RPH3A: variants seen among roughly 807,000 people sequenced by gnomAD.
RPH3A encodes the protein rabphilin 3A.
RPH3A carries 48 observed loss-of-function variants against 102.2 expected under a neutral mutation model. The observed-to-expected ratio is 0.47, with a 90% CI of 0.37 to 0.60. RPH3A has a LOEUF of 0.60. RPH3A is among the 20% of genes least tolerant of loss of function. The pLI is 0.00. For missense variants in RPH3A, 781 were observed against 910.1 expected (o/e 0.86, Z 1.83); for synonymous variants, 310 against 324.3 (o/e 0.96, Z 0.47).
At chr12:112,724,860 T>C (rs1481989934) in intron 1 of RPH3A, among the ~76,000 whole-genome samples, 4 of 151,800 alleles carry the variant, frequency 2.6e-5, no homozygotes, top group Non-Finnish European at 2.9e-5. Context: ...TCCCAGCTAC[T>C]AGGGAGGCTG....
intron 1 of RPH3A, among the ~76,000 whole-genome samples, chr12:112,693,372 C>G (rs886815027): frequency 1.3e-5 from 2 of 152,358 alleles, no homozygotes; most frequent in South Asian, 4.1e-4. Context: ...CTCATCCCAC[C>G]TGTCATAAAG....
At chr12:112,682,273 C>G (rs571883771) in intron 1 of RPH3A, among the ~76,000 whole-genome samples, 1 of 152,050 alleles carries the variant, frequency 6.6e-6, no homozygotes, top group East Asian at 1.9e-4. Flanking sequence ...GAGCTGAGAA[C>G]CTGGAGTTCT....
chr12:112,876,744 G>T lies in RPH3A; in HGVS notation c.1049G>T (p.Ser350Ile). ...PAVGAREDRM[S>I]HPSGPYSQAS... ...GTTGGAGCCAGAGAGGACCGAATGA[G>T]CCACCCCTCCGGACCCTATTCCCAA... Residue 350 changes from serine to isoleucine, a missense_variant, in exon 13 of 22, where the codon AGC becomes ATC. This residue lies in a region of RPH3A where 730 missense variants were observed against 810.0 expected (regional missense o/e 0.90). Coordinates refer to ENST00000389385, the MANE Select transcript of RPH3A (RefSeq NM_001143854.2). 6.2e-7 allele frequency: 1 copy of T among 1,613,370 alleles called. No individual in the cohort carries two copies.
intron 1 of RPH3A, among the ~76,000 whole-genome samples, chr12:112,707,654 C>A (rs2040434653): frequency 6.6e-6 from 1 of 152,196 alleles, no homozygotes; most frequent in Non-Finnish European, 1.5e-5. Context: ...TGATATTCAC[C>A]TTGTTTACAT....
chr12:112,677,569 G>A (rs1279745511), intron 1 of RPH3A, among the ~76,000 whole-genome samples: 2 of 150,546 alleles, frequency 1.3e-5, no homozygotes, highest in African/African-American at 4.9e-5. Context: ...TAAAGTGCTG[G>A]GATTACAGTT....
At chr12:112,597,743 T>C (rs1246344266) in intron 1 of RPH3A, among the ~76,000 whole-genome samples, 4 of 152,068 alleles carry the variant, frequency 2.6e-5, no homozygotes, top group Admixed American at 6.5e-5. Flanking sequence ...AGCATGAACA[T>C]CTGGTTGCCC....
At chr12:112,679,858 C>G (rs1359963869) in intron 1 of RPH3A, among the ~76,000 whole-genome samples, 1 of 152,194 alleles carries the variant, frequency 6.6e-6, no homozygotes, top group African/African-American at 2.4e-5. Context: ...TGGGAACAAA[C>G]AAGTAAGCAA....
At chr12:112,877,335 C>T (rs1399747269) in intron 13 of RPH3A, among the ~76,000 whole-genome samples, 1 of 151,828 alleles carries the variant, frequency 6.6e-6, no homozygotes, top group Non-Finnish European at 1.5e-5. Context: ...TCTCTTGCAT[C>T]CTTATTGAAT....
At chr12:112,776,786 A>AT (rs2040969819) in intron 1 of RPH3A, among the ~76,000 whole-genome samples, 1 of 144,622 alleles carries the variant, frequency 6.9e-6, no homozygotes, top group Non-Finnish European at 1.5e-5. Flanking sequence ...AGGCAGGAGA[A>AT]TGGTGTGAAC....
intron 1 of RPH3A, among the ~76,000 whole-genome samples, chr12:112,716,186 C>A (rs1425685196): frequency 1.3e-5 from 2 of 152,182 alleles, no homozygotes; most frequent in Admixed American, 6.5e-5. Flanking sequence ...GTCTTTATGA[C>A]CTGTATCTTG....
At chr12:112,768,545 C>T (rs2040906930) in intron 1 of RPH3A, among the ~76,000 whole-genome samples, 2 of 152,192 alleles carry the variant, frequency 1.3e-5, no homozygotes, top group Non-Finnish European at 2.9e-5. Context: ...GCTATGCTGG[C>T]CTTGTTCTTT....
At chr12:112,595,972 G>A (rs1404148413) in intron 1 of RPH3A, among the ~76,000 whole-genome samples, 1 of 152,168 alleles carries the variant, frequency 6.6e-6, no homozygotes, top group Non-Finnish European at 1.5e-5. Flanking sequence ...ATAGACATGT[G>A]TGAAGGGAAC....
At chr12:112,704,699 C>T (rs1359283094) in intron 1 of RPH3A, among the ~76,000 whole-genome samples, 1 of 152,170 alleles carries the variant, frequency 6.6e-6, no homozygotes, top group African/African-American at 2.4e-5. Flanking sequence ...CAGGAAGAGA[C>T]CCAGTGCACA....
chr12:112,610,328 C>A (rs1428062531), intron 1 of RPH3A, among the ~76,000 whole-genome samples: 2 of 152,012 alleles, frequency 1.3e-5, no homozygotes, highest in African/African-American at 4.8e-5. Flanking sequence ...CATGGTGAAA[C>A]CCCGTCTCTA....
At chr12:112,657,473 A>AT (rs2040021234) in intron 1 of RPH3A, among the ~76,000 whole-genome samples, 1 of 152,200 alleles carries the variant, frequency 6.6e-6, no homozygotes, top group African/African-American at 2.4e-5. Flanking sequence ...ACTGTACAGA[A>AT]TTGCATGTGC....
intron 1 of RPH3A, among the ~76,000 whole-genome samples, chr12:112,620,211 A>G (rs923159454): frequency 1.3e-5 from 2 of 152,198 alleles, no homozygotes; most frequent in African/African-American, 2.4e-5. Flanking sequence ...GGCTGAAGTC[A>G]TCTGTTTATC....
intron 13 of RPH3A, among the ~76,000 whole-genome samples, 173 bp downstream of exon 13, chr12:112,877,039 A>C (rs1172224701): frequency 6.6e-6 from 1 of 152,242 alleles, no homozygotes; most frequent in Non-Finnish European, 1.5e-5. Context: ...CTAAATTCAC[A>C]AAATATCAGC....
intron 2 of RPH3A, among the ~76,000 whole-genome samples, chr12:112,794,905 GTGC>G (rs939717911): frequency 6.6e-6 from 1 of 152,192 alleles, no homozygotes; most frequent in African/African-American, 2.4e-5. Flanking sequence ...TCTCCAGCCC[GTGC>G]TGGTAATCAG....
intron 1 of RPH3A, among the ~76,000 whole-genome samples, chr12:112,659,155 CACAA>C (rs2040033450): frequency 6.6e-6 from 1 of 152,046 alleles, no homozygotes; most frequent in African/African-American, 2.4e-5. Flanking sequence ...GTTTATGTCC[CACAA>C]ACAAAGATAT....
Sources: allele counts gnomAD v4.1 joint callset (sites outside exome capture counted in the v4.1 genomes callset), GRCh38; gene constraint gnomAD v4.1.1; regional missense constraint gnomAD v4.1.1; transcripts MANE v1.5; gene names NCBI Gene and HGNC (gene_info 2026-07-23, HGNC 2026-07-21).